TNS3: variants seen among roughly 807,000 people sequenced by gnomAD.
TNS3 encodes the protein tensin 3, also known as tensin-3.
Under a neutral mutation model 140.9 loss-of-function variants are expected in TNS3, and 45 were observed. That is an observed-to-expected ratio of 0.32 (90% CI 0.25 to 0.41). The LOEUF (loss-of-function observed/expected upper bound fraction) is 0.41, where lower values mean the gene tolerates loss of function less well. TNS3 is among the 10% of genes least tolerant of loss of function. The pLI is 1.00. For missense variants in TNS3, 1,716 were observed against 1,906.7 expected, an observed-to-expected ratio of 0.90 and a Z score of 1.86; for synonymous variants, 815 against 788.4, an observed-to-expected ratio of 1.03 and a Z score of -0.56.
At chr7:47,368,319 C>A (rs540352871) in intron 17 of TNS3, 46 bp downstream of exon 17, 4 of 1,431,570 alleles carry the variant, frequency 2.8e-6, no homozygotes, top group Non-Finnish European at 3.7e-6. Context: ...ATTAGCCTCC[C>A]GTGGAGCACC....
chr7:47,351,505 T>G (rs1320618185), intron 17 of TNS3, among the ~76,000 whole-genome samples: 1 of 152,168 alleles, frequency 6.6e-6, no homozygotes, highest in Admixed American at 6.5e-5. Context: ...GCCCACTAGC[T>G]GTCTTCTTCA....
chr7:47,520,637 T>C (rs556886568), intron 2 of TNS3, among the ~76,000 whole-genome samples: 25 of 152,314 alleles, frequency 1.6e-4, no homozygotes, highest in African/African-American at 5.8e-4. Context: ...AGGCTTTGTA[T>C]TGCAACAGAG....
intron 17 of TNS3, among the ~76,000 whole-genome samples, chr7:47,352,621 T>C (rs974437954): frequency 1.7e-4 from 26 of 152,284 alleles, no homozygotes; most frequent in Non-Finnish European, 3.7e-4. Context: ...GTCCGTCCTT[T>C]CCATCCTGGC....
Position 47,381,372 on chromosome 7 carries a change from G to A in TNS3, c.1025-11751C>T, listed in dbSNP as rs73326552. Among the ~76,000 whole-genome samples the A allele has an allele frequency of 4.5e-3, 684 of 152,316 alleles. 4 individuals carry two copies. The highest frequency in any genetic ancestry group is 0.016 in the African/African-American group (654 of 41,570). The stretch of plus-strand genomic sequence containing the variant: ...GTTAGCCCAGACCTCCACGTTCTGT[G>A]TTCAGTGTAGCAGATCCTTTTCATC... On this transcript the variant is annotated intron_variant, in intron 16 of 30. Transcript: ENST00000311160.
intron 1 of TNS3, among the ~76,000 whole-genome samples, chr7:47,550,028 C>A (rs919477719): frequency 3.3e-5 from 5 of 150,678 alleles, no homozygotes; most frequent in Admixed American, 1.3e-4. Context: ...ATCCCTCCCA[C>A]CCATCCCCAC....
At chr7:47,477,688 G>A (rs968030055) in intron 4 of TNS3, among the ~76,000 whole-genome samples, 3 of 152,178 alleles carry the variant, frequency 2.0e-5, no homozygotes, top group South Asian at 2.1e-4. Flanking sequence ...AGGTGACATC[G>A]GGGATGTCAG....
At chr7:47,481,596 T>C in intron 3 of TNS3, 2 of 948,146 alleles carry the variant, frequency 2.1e-6, no homozygotes, top group Non-Finnish European at 2.5e-6. Flanking sequence ...AGGGGCCATC[T>C]TTTCTAGAAC....
At chr7:47,381,177 T>C (rs1258761471) in intron 16 of TNS3, among the ~76,000 whole-genome samples, 1 of 152,230 alleles carries the variant, frequency 6.6e-6, no homozygotes, top group South Asian at 2.1e-4. Context: ...CACCAACCCA[T>C]GCAGCTTACA....
At chr7:47,554,061 T>A (rs939864143) in intron 1 of TNS3, among the ~76,000 whole-genome samples, 1 of 150,174 alleles carries the variant, frequency 6.7e-6, no homozygotes, top group Non-Finnish European at 1.5e-5. Flanking sequence ...CACCTCGGCC[T>A]CCCAAAGTGC....
rs1217391859 is a variant in TNS3 at position 47,346,293 on chromosome 7, T to C, written c.2345A>G (p.Asn782Ser). 1.2e-6 allele frequency: 2 copies of C among 1,614,080 alleles called. No individual in the cohort carries two copies. The highest frequency in any genetic ancestry group is 1.7e-6 in the Non-Finnish European group (2 of 1,180,034). Residue 782 changes from asparagine to serine, a missense_variant, in exon 18 of 31, where the codon AAC becomes AGC. By Grantham distance (46) the Asn-to-Ser change is conservative. Coordinates refer to ENST00000311160, the MANE Select transcript of TNS3 (RefSeq NM_022748.12). ...GAAGGGCAGCTGCCCCCCAGCATCG[T>C]TGTCGTACTGCCCCAGGCTCAGCTT... is the stretch of plus-strand genomic sequence containing the variant. ...LRKLSLGQYD[N>S]DAGGQLPFSK...
intron 9 of TNS3, among the ~76,000 whole-genome samples, chr7:47,427,550 G>A (rs1446126063): frequency 1.3e-5 from 2 of 152,248 alleles, no homozygotes; most frequent in African/African-American, 2.4e-5. Context: ...ATTTCAGCGA[G>A]AGTGAAGATC....
intron 17 of TNS3, among the ~76,000 whole-genome samples, chr7:47,349,218 AT>A (rs561984307): frequency 3.3e-5 from 5 of 152,160 alleles, no homozygotes; most frequent in Admixed American, 6.5e-5. Context: ...TCAAAAAAAA[AT>A]CAATCTTCAT....
chr7:47,578,546 T>C lies in TNS3; in HGVS notation c.-265+3505A>G, dbSNP rs577433775. 4.4e-3 allele frequency among the ~76,000 whole-genome samples: 489 copies of C among 111,314 alleles called. 4 individuals carry two copies. Among genetic ancestry groups the C allele is most frequent in the African/African-American group, 0.016 (476 of 30,216 alleles). The allele number at this position is 111,314 out of a possible 152,430, so 73.0% of individuals were successfully genotyped here. A position where few individuals can be genotyped will look rare whatever the true frequency, so the allele number is the denominator to read the frequency against. Reference sequence around the variant, plus strand: ...ACCAGGTAGAGCTGCGCCAGGTGCATGGGGCAGGGGGTTGGGGGGGGGCGG... The same window carrying C: ...ACCAGGTAGAGCTGCGCCAGGTGCACGGGGCAGGGGGTTGGGGGGGGGCGG... On this transcript the variant is annotated intron_variant, in intron 1 of 30. Coordinates refer to ENST00000311160, the MANE Select transcript of TNS3 (RefSeq NM_022748.12).
chr7:47,470,502 C>T (rs1003501844), intron 4 of TNS3: 7 of 985,442 alleles, frequency 7.1e-6, no homozygotes, highest in South Asian at 4.7e-5. Flanking sequence ...TTCATTCATT[C>T]GAAACACTGC....
At chr7:47,379,351 T>C (rs568927409) in intron 16 of TNS3, among the ~76,000 whole-genome samples, 3 of 152,238 alleles carry the variant, frequency 2.0e-5, no homozygotes, top group Non-Finnish European at 4.4e-5. Context: ...AGAGCATGTA[T>C]AACCTCTCAC....
intron 1 of TNS3, among the ~76,000 whole-genome samples, chr7:47,553,636 T>C (rs1462374717): frequency 6.6e-6 from 1 of 152,170 alleles, no homozygotes; most frequent in Non-Finnish European, 1.5e-5. Context: ...AAAAAAGAGA[T>C]TCGTTTCAAA....
intron 2 of TNS3, among the ~76,000 whole-genome samples, chr7:47,522,755 C>T (rs1490099885): frequency 2.0e-5 from 3 of 151,946 alleles, no homozygotes; most frequent in Non-Finnish European, 2.9e-5. Flanking sequence ...GGTGAAACCC[C>T]GTTTCTACTA....
At chr7:47,575,277 T>C (rs1043801196) in intron 1 of TNS3, among the ~76,000 whole-genome samples, 1 of 152,214 alleles carries the variant, frequency 6.6e-6, no homozygotes, top group Non-Finnish European at 1.5e-5. Flanking sequence ...ATGCTTATAC[T>C]GCCACATTGA....
intron 30 of TNS3, chr7:47,279,861 T>C (rs1785048961): frequency 2.1e-6 from 1 of 470,902 alleles, no homozygotes; most frequent in South Asian, 2.2e-5. Flanking sequence ...ACCTCAGCAC[T>C]GCTGAGCCCA....
Sources: allele counts gnomAD v4.1 joint callset (sites outside exome capture counted in the v4.1 genomes callset), GRCh38; gene constraint gnomAD v4.1.1; transcripts MANE v1.5; gene names NCBI Gene and HGNC (gene_info 2026-07-23, HGNC 2026-07-21).